Variants in XIRP2 observed in about 807,000 individuals in gnomAD.
XIRP2 encodes the protein xin actin-binding repeat-containing protein 2.
In XIRP2, 236 loss-of-function variants were observed where a neutral mutation model predicts 277.0. That is an observed-to-expected ratio of 0.85 (90% CI 0.77 to 0.95). The LOEUF (loss-of-function observed/expected upper bound fraction) is 0.95. Ranked by LOEUF, XIRP2 falls within the 40% of genes least tolerant of loss-of-function variation. The pLI is 0.00. For missense variants in XIRP2, 4,640 were observed against 4,157.5 expected (o/e 1.12, Z -3.19); for synonymous variants, 1,490 against 1,416.5 (o/e 1.05, Z -1.17).
At chr2:167,136,105 G>T in intron 3 of XIRP2, 43 bp downstream of exon 3, 1 of 1,512,636 alleles carries the variant, frequency 6.6e-7, no homozygotes, top group South Asian at 1.4e-5. Flanking sequence ...ATCATACCTT[G>T]TACAACATGA....
At chr2:166,893,315 A>T (rs1684157067) in intron 1 of XIRP2, among the ~76,000 whole-genome samples, 1 of 152,116 alleles carries the variant, frequency 6.6e-6, no homozygotes, top group Non-Finnish European at 1.5e-5. Context: ...TTTCTCTTCA[A>T]AAATGTAGAA....
At position 167,248,625 on chromosome 2, in the gene XIRP2, C is replaced by A. The variant is rs1385899572; in HGVS notation, c.7233C>A (p.Ile2411=). 6.2e-7 allele frequency: 1 copy of A among 1,613,734 alleles called. No individual in the cohort carries two copies. The highest frequency in any genetic ancestry group is 1.1e-5 in the South Asian group (1 of 91,072). ...ASNSQNSQAK[I]ITGKTGVLPP... is the part of the protein sequence containing the mutation. ...ACTCTCAGAATTCTCAGGCTAAAATCATAACAGGAAAAACCGGTGTGTTGC... is the reference window on the plus strand; with the variant it reads ...ACTCTCAGAATTCTCAGGCTAAAATAATAACAGGAAAAACCGGTGTGTTGC... Residue 2411 remains isoleucine (I), a synonymous_variant, in exon 9 of 11, where the codon ATC becomes ATA. Transcript: ENST00000409195.
intron 10 of XIRP2, among the ~76,000 whole-genome samples, chr2:167,257,540 C>A (rs953882069): frequency 6.6e-6 from 1 of 151,934 alleles, no homozygotes; most frequent in Non-Finnish European, 1.5e-5. Context: ...GAAATTACAA[C>A]GCCTCACATA....
intron 2 of XIRP2, among the ~76,000 whole-genome samples, chr2:167,129,180 T>G (rs979778056): frequency 6.6e-6 from 1 of 152,216 alleles, no homozygotes; most frequent in African/African-American, 2.4e-5. Flanking sequence ...TCCTTTATTT[T>G]TGCTCTTCTC....
At chr2:166,911,033 C>G (rs1337600325) in intron 2 of XIRP2, among the ~76,000 whole-genome samples, 1 of 152,044 alleles carries the variant, frequency 6.6e-6, no homozygotes, top group East Asian at 1.9e-4. Flanking sequence ...TTACTTCCAA[C>G]TATGTGGTCA....
intron 2 of XIRP2, among the ~76,000 whole-genome samples, chr2:166,927,913 A>G (rs1413675762): frequency 6.6e-6 from 1 of 152,148 alleles, no homozygotes; most frequent in East Asian, 1.9e-4. Context: ...GTTGGCCCAT[A>G]GCGTTCATCT....
At chr2:167,010,385 T>G (rs879150281) in intron 2 of XIRP2, among the ~76,000 whole-genome samples, 1 of 151,786 alleles carries the variant, frequency 6.6e-6, no homozygotes. Flanking sequence ...GTTGTAGATA[T>G]GTGGCGTTAT....
chr2:166,927,280 T>C (rs1335430014), intron 2 of XIRP2, among the ~76,000 whole-genome samples: 7 of 152,114 alleles, frequency 4.6e-5, no homozygotes, highest in Admixed American at 3.3e-4. Flanking sequence ...TGATGGTAAT[T>C]GTTTCCTATT....
At chr2:166,915,735 T>C (rs1684854921) in intron 2 of XIRP2, among the ~76,000 whole-genome samples, 1 of 152,224 alleles carries the variant, frequency 6.6e-6, no homozygotes, top group Non-Finnish European at 1.5e-5. Context: ...ATCATTACAG[T>C]AGATTACTTA....
intron 2 of XIRP2, among the ~76,000 whole-genome samples, chr2:167,034,364 G>A (rs1048552258): frequency 6.6e-6 from 1 of 151,976 alleles, no homozygotes; most frequent in African/African-American, 2.4e-5. Flanking sequence ...CAAAAAGGAA[G>A]ACAGGAAAGA....
At chr2:167,097,593 A>G (rs1004232689) in intron 2 of XIRP2, among the ~76,000 whole-genome samples, 11 of 152,180 alleles carry the variant, frequency 7.2e-5, no homozygotes, top group Admixed American at 2.6e-4. Context: ...TAATCCTGTC[A>G]TTATGATGCT....
intron 3 of XIRP2, among the ~76,000 whole-genome samples, chr2:167,168,401 G>A (rs1223862329): frequency 6.6e-6 from 1 of 151,770 alleles, no homozygotes; most frequent in Non-Finnish European, 1.5e-5. Context: ...TCATGGTTCT[G>A]GGATATTCTG....
intron 2 of XIRP2, among the ~76,000 whole-genome samples, chr2:166,916,205 C>T (rs1684874171): frequency 6.6e-6 from 1 of 152,202 alleles, no homozygotes; most frequent in Non-Finnish European, 1.5e-5. Context: ...GCATGGCTTA[C>T]ATTTTGGCTT....
At chr2:167,153,316 G>C (rs1692068832) in intron 3 of XIRP2, among the ~76,000 whole-genome samples, 1 of 151,750 alleles carries the variant, frequency 6.6e-6, no homozygotes, top group African/African-American at 2.4e-5. Flanking sequence ...CATTGAAAAA[G>C]TTACTTAACC....
intron 2 of XIRP2, among the ~76,000 whole-genome samples, chr2:166,911,444 T>A (rs1018381439): frequency 1.3e-5 from 2 of 152,176 alleles, no homozygotes; most frequent in Admixed American, 6.5e-5. Context: ...CTGCCTTTTT[T>A]TGTTTTCCAT....
intron 2 of XIRP2, among the ~76,000 whole-genome samples, chr2:167,084,425 G>A (rs1165970246): frequency 1.6e-4 from 24 of 151,058 alleles, no homozygotes; most frequent in South Asian, 4.3e-4. Flanking sequence ...GTCTCTGCCC[G>A]GCTTTGGTAT....
intron 2 of XIRP2, among the ~76,000 whole-genome samples, chr2:167,059,852 C>T (rs1689135282): frequency 6.6e-6 from 1 of 152,204 alleles, no homozygotes; most frequent in Non-Finnish European, 1.5e-5. Context: ...AAGCATGATG[C>T]TAGCAGAGGC....
intron 2 of XIRP2, among the ~76,000 whole-genome samples, chr2:166,973,907 T>C (rs1490347061): frequency 1.3e-5 from 2 of 152,200 alleles, no homozygotes; most frequent in Admixed American, 1.3e-4. Flanking sequence ...TTGTTTATCA[T>C]AGAGAAGTCG....
In XIRP2 at chr2:167,055,997, G is replaced by A. The variant is rs528935116; in HGVS notation, c.409-79912G>A. 4.6e-5 allele frequency among the ~76,000 whole-genome samples: 7 copies of A among 152,100 alleles called. No individual in the cohort carries two copies. The South Asian group carries it at 1.2e-3, about 27-fold the overall frequency. ...CTGCCTTTCTTCATAAATACATCGG[G>A]TTCAGTAAATACCTTCTTTTTCATC... On this transcript the variant is annotated intron_variant, in intron 2 of 10. Coordinates refer to ENST00000409195, the MANE Select transcript of XIRP2 (RefSeq NM_152381.6).
Sources: allele counts gnomAD v4.1 joint callset (sites outside exome capture counted in the v4.1 genomes callset), GRCh38; gene constraint gnomAD v4.1.1; transcripts MANE v1.5; gene names NCBI Gene and HGNC (gene_info 2026-07-23, HGNC 2026-07-21).